Variants in MARCHF7 observed in about 807,000 individuals in gnomAD.
The protein encoded by MARCHF7 is E3 ubiquitin-protein ligase MARCHF7.
Under a neutral mutation model 76.5 loss-of-function variants are expected in MARCHF7, and 20 were observed. That is an observed-to-expected ratio of 0.26 (90% CI 0.18 to 0.38). The LOEUF (loss-of-function observed/expected upper bound fraction) is 0.38. Among genes scored for constraint, MARCHF7 ranks in the 10% least tolerant of loss-of-function variants. The pLI, the probability that MARCHF7 is intolerant of heterozygous loss-of-function variation, is 1.00. For missense variants in MARCHF7, 797 were observed against 812.9 expected (o/e 0.98, Z 0.24); for synonymous variants, 295 against 293.0 (o/e 1.01, Z -0.07).
At chr2:159,720,531 C>T (rs1701519978) in intron 3 of MARCHF7, among the ~76,000 whole-genome samples, 1 of 152,156 alleles carries the variant, frequency 6.6e-6, no homozygotes, top group African/African-American at 2.4e-5. Flanking sequence ...GCCTGAAATG[C>T]TTGATTTGAT....
chr2:159,736,176 A>G (rs557857602), intron 4 of MARCHF7, among the ~76,000 whole-genome samples: 22 of 152,300 alleles, frequency 1.4e-4, no homozygotes, highest in Admixed American at 1.2e-3. Context: ...TCTGTGTTCA[A>G]TCGTTTGGGG....
intron 4 of MARCHF7, among the ~76,000 whole-genome samples, chr2:159,742,255 T>TG (rs1417401684): frequency 6.6e-6 from 1 of 152,154 alleles, no homozygotes; most frequent in Non-Finnish European, 1.5e-5. Context: ...GGATTTTTTT[T>TG]TTTTGTTTTT....
intron 4 of MARCHF7, among the ~76,000 whole-genome samples, chr2:159,739,629 CT>C (rs1227322952): frequency 6.6e-6 from 1 of 152,104 alleles, no homozygotes; most frequent in African/African-American, 2.4e-5. Flanking sequence ...GAATCTGACA[CT>C]TTATTTAATT....
At chr2:159,732,800 G>A in intron 4 of MARCHF7, 1 of 969,558 alleles carries the variant, frequency 1.0e-6, no homozygotes, top group Non-Finnish European at 1.2e-6. Context: ...CCAAAGTGAT[G>A]GGATTACAGA....
At chr2:159,748,970 T>A in intron 7 of MARCHF7, 67 bp downstream of exon 7, 1 of 1,237,460 alleles carries the variant, frequency 8.1e-7, no homozygotes, top group Non-Finnish European at 1.0e-6. Context: ...ATTTCTTTTT[T>A]TTCTTTTCTT....
chr2:159,766,725 A>G (rs1242630390), intron 11 of MARCHF7, among the ~76,000 whole-genome samples: 2 of 152,208 alleles, frequency 1.3e-5, no homozygotes, highest in Admixed American at 6.5e-5. Context: ...ACTGAATCCA[A>G]TTATTTTAAT....
At chr2:159,753,001 C>T (rs1202602694) in intron 8 of MARCHF7, among the ~76,000 whole-genome samples, 1 of 152,082 alleles carries the variant, frequency 6.6e-6, no homozygotes, top group Non-Finnish European at 1.5e-5. Context: ...GTAATGGAGC[C>T]CAGGCACAGT....
intron 3 of MARCHF7, among the ~76,000 whole-genome samples, chr2:159,722,797 A>G (rs551929196): frequency 2.0e-5 from 3 of 152,338 alleles, no homozygotes; most frequent in South Asian, 2.1e-4. Context: ...AATTCAATCA[A>G]TTTATGTAGA....
chr2:159,739,639 T>C (rs1439248001), intron 4 of MARCHF7, among the ~76,000 whole-genome samples: 1 of 152,220 alleles, frequency 6.6e-6, no homozygotes, highest in East Asian at 1.9e-4. Context: ...CTTTATTTAA[T>C]TGTTCAAAGA....
intron 8 of MARCHF7, among the ~76,000 whole-genome samples, chr2:159,756,702 AAAAAAAAAAAAAC>A (rs1706359706): frequency 6.6e-6 from 1 of 151,182 alleles, no homozygotes; most frequent in African/African-American, 2.4e-5. Context: ...AAAAAAAAAA[AAAAAAAAAAAAAC>A]AGATGATTCA....
rs546220006 is a variant in MARCHF7, at chr2:159,735,082, G to A, written c.153+5907G>A. The stretch of plus-strand genomic sequence containing the variant: ...CATGAGTTTCTTCTGCATTGGTGTG[G>A]AGATGGGTACTCTCCATCACATGAA... On this transcript the variant is annotated intron_variant, in intron 4 of 11. Transcript: ENST00000409175. Among the ~76,000 whole-genome samples the A allele has an allele frequency of 4.1e-4, 62 of 152,308 alleles. 1 individual carries two copies. In the South Asian group the frequency reaches 0.012, roughly 30 times the overall value.
intron 3 of MARCHF7, among the ~76,000 whole-genome samples, chr2:159,720,912 C>G (rs532654243): frequency 1.1e-4 from 16 of 152,294 alleles, no homozygotes; most frequent in African/African-American, 3.9e-4. Flanking sequence ...GGCTGGGGTA[C>G]AGTGGCATGA....
intron 6 of MARCHF7, among the ~76,000 whole-genome samples, chr2:159,747,433 T>C (rs1705041812): frequency 6.6e-6 from 1 of 152,132 alleles, no homozygotes; most frequent in South Asian, 2.1e-4. Flanking sequence ...AAGAGTCATT[T>C]ACATTGTATT....
chr2:159,733,946 A>T (rs1703133601), intron 4 of MARCHF7: 2 of 1,259,128 alleles, frequency 1.6e-6, no homozygotes, highest in South Asian at 6.7e-5. Flanking sequence ...TTTCCTAAAT[A>T]TCTTTCAGTT....
Position 159,767,333 on chromosome 2 carries a change from T to G in MARCHF7, c.2106T>G (p.Asp702Glu). Reference sequence around the variant, plus strand: ...ACGGAGACCATAACAGGACATTTGATATTGCCTAACTTCATATAAGACAGA... The same window carrying G: ...ACGGAGACCATAACAGGACATTTGAGATTGCCTAACTTCATATAAGACAGA... ...EEDGDHNRTF[D>E]IA The change falls in exon 12 of 12, where the codon GAT (aspartate) becomes GAG (glutamate). Residue 702 changes from aspartate to glutamate, a missense_variant. Asp to Glu is a conservative substitution (Grantham distance 45). This residue lies in a region of MARCHF7 where 124 missense variants were observed against 121.3 expected (regional missense o/e 1.02). Transcript: ENST00000409175. The G allele has an allele frequency of 6.2e-7, 1 of 1,610,476 alleles. No homozygotes were observed. Among genetic ancestry groups the G allele is most frequent in the Non-Finnish European group, 8.5e-7 (1 of 1,176,944 alleles).
chr2:159,764,255 T>TGTGTGTGTGTGC (rs10592175), intron 10 of MARCHF7, among the ~76,000 whole-genome samples: 5 of 131,366 alleles, frequency 3.8e-5, no homozygotes, highest in African/African-American at 1.2e-4. Flanking sequence ...TGTGTGTGTG[T>TGTGTGTGTGTGC]GCGCGCGCCC....
intron 4 of MARCHF7, among the ~76,000 whole-genome samples, chr2:159,742,698 A>C (rs989207883): frequency 9.2e-5 from 14 of 152,168 alleles, no homozygotes; most frequent in Non-Finnish European, 1.6e-4. Flanking sequence ...CTGTAATCCC[A>C]GCGGCCGAGG....
In MARCHF7 at chr2:159,722,517, T is replaced by G. The variant is rs1334121420; in HGVS notation, c.-14-6492T>G. Among the ~76,000 whole-genome samples, 3 of 152,200 alleles carry G rather than the reference T, an allele frequency of 2.0e-5. No individual in the cohort carries two copies. The East Asian group carries it at 5.8e-4, about 29-fold the overall frequency. Reference sequence around the variant, plus strand: ...TTGTTCCATATTAGACTACAATTTCTTTACAGGCACCATCTCAGAACGTTT... The same window carrying G: ...TTGTTCCATATTAGACTACAATTTCGTTACAGGCACCATCTCAGAACGTTT... On this transcript the variant is annotated intron_variant, in intron 3 of 11. Transcript: ENST00000409175.
intron 4 of MARCHF7, among the ~76,000 whole-genome samples, chr2:159,732,577 A>G (rs1243985026): frequency 3.3e-5 from 5 of 152,176 alleles, no homozygotes; most frequent in East Asian, 1.9e-4. Context: ...TAGTTGAGCA[A>G]TCATGACTCG....
Sources: allele counts gnomAD v4.1 joint callset (sites outside exome capture counted in the v4.1 genomes callset), GRCh38; gene constraint gnomAD v4.1.1; regional missense constraint gnomAD v4.1.1; transcripts MANE v1.5; gene names NCBI Gene and HGNC (gene_info 2026-07-23, HGNC 2026-07-21).